The following LOX variants were observed in gnomAD, a reference collection of about 807,000 sequenced individuals.
The protein encoded by LOX is lysyl oxidase.
In LOX, 12 loss-of-function variants were observed where a neutral mutation model predicts 50.5. The observed-to-expected ratio is 0.24, with a 90% CI of 0.15 to 0.38. The LOEUF is 0.38. Ranked by LOEUF, LOX falls within the 10% of genes least tolerant of loss-of-function variation. The pLI, the probability that LOX is intolerant of heterozygous loss-of-function variation, is 1.00. For synonymous variants in LOX, 254 were observed against 230.6 expected (o/e 1.10, Z -0.92); for missense variants, 504 against 563.8 (o/e 0.89, Z 1.07).
Position 122,063,254 on chromosome 5 carries a change from G to A in LOX, c.*3489C>T, listed in dbSNP as rs999691786. ...ATAATCTTGCAATCATAGTATAGAT[G>A]TATAATAAAAGAATATGAGAATGCA... On this transcript the variant is annotated 3_prime_UTR_variant, in exon 7 of 7. Transcript: ENST00000231004. 1 of 151,814 alleles carries A rather than the reference G, an allele frequency of 6.6e-6. No individual in the cohort carries two copies. Among genetic ancestry groups the A allele is most frequent in the African/African-American group, 2.4e-5 (1 of 41,368 alleles). 9.4% of individuals were successfully genotyped at this position (151,814 alleles called of 1,614,324 possible).
intron 6 of LOX, among the ~76,000 whole-genome samples, chr5:122,067,885 T>C (rs1418626829): frequency 2.6e-5 from 4 of 152,012 alleles, no homozygotes; most frequent in Non-Finnish European, 5.9e-5. Context: ...AAGTCACTCC[T>C]GAAACTCAGC....
Position 122,070,144 on chromosome 5 carries a change from C to T in LOX, c.1156G>A (p.Val386Ile). 3.1e-6 allele frequency: 5 copies of T among 1,612,508 alleles called. No homozygotes were observed. Among genetic ancestry groups the T allele is most frequent in the Middle Eastern group, 1.7e-4 (1 of 6,056 alleles). ...LKVSVNPSYL[V>I]PESDYTNNVV... ...TTGTTGGTATAGTCAGATTCAGGAACCAGGTAGCTGGGGTTTACACTGACC... is the reference window on the plus strand; with the variant it reads ...TTGTTGGTATAGTCAGATTCAGGAATCAGGTAGCTGGGGTTTACACTGACC... The change falls in exon 6 of 7, where the codon GTT (valine) becomes ATT (isoleucine). Residue 386 changes from valine (V) to isoleucine (I), a missense_variant. By Grantham distance (29) the Val-to-Ile change is conservative. Around this residue, in one of 2 missense-constraint regions of LOX, gnomAD observed 106 missense variants for 198.1 expected, o/e 0.54. Coordinates refer to ENST00000231004, the MANE Select transcript of LOX (RefSeq NM_002317.7).
In LOX at chr5:122,077,244, G is replaced by A. The variant is rs1754664944; in HGVS notation, c.631+111C>T. 2 of 1,524,286 alleles carry A rather than the reference G, an allele frequency of 1.3e-6. No homozygotes were observed. The highest frequency in any genetic ancestry group is 1.3e-5 in the South Asian group (1 of 78,578). 94.4% of individuals were successfully genotyped at this position (1,524,286 alleles called of 1,614,324 possible). On this transcript the variant is annotated intron_variant, in intron 1 of 6. Transcript: ENST00000231004. The surrounding 1 kb of genome is among the most constrained non-coding windows in gnomAD (Gnocchi z 4.9). Reference sequence around the variant, plus strand: ...CTGCCACTGCAGGCGCGTGGGGGAGGGATCGGATCTGCGAGGACCGGGGCC... The same window carrying A: ...CTGCCACTGCAGGCGCGTGGGGGAGAGATCGGATCTGCGAGGACCGGGGCC...
rs892370866 is a variant in LOX, at chr5:122,065,632, A to T, written c.*1111T>A. On this transcript the variant is annotated 3_prime_UTR_variant, in exon 7 of 7. Transcript: ENST00000231004. ...TCAGACACACACACATGTGTGACTG[A>T]TTCCTGAATAACCCAGGATGATGTT... 9 of 152,210 alleles carry T rather than the reference A, an allele frequency of 5.9e-5. No individual in the cohort carries two copies. Among genetic ancestry groups the T allele is most frequent in the Middle Eastern group, 6.8e-3 (2 of 294 alleles). The allele number at this position is 152,210 out of a possible 1,614,324, so 9.4% of individuals were successfully genotyped here.
In LOX at chr5:122,066,510, T is replaced by A. The variant is rs925036509; in HGVS notation, c.*233A>T. The A allele has an allele frequency of 2.0e-5, 9 of 448,574 alleles. No individual in the cohort carries two copies. Among genetic ancestry groups the A allele is most frequent in the Non-Finnish European group, 3.2e-5 (8 of 247,154 alleles). 27.8% of individuals were successfully genotyped at this position (448,574 alleles called of 1,614,324 possible). A position where few individuals can be genotyped will look rare whatever the true frequency, so the allele number is the denominator to read the frequency against. On this transcript the variant is annotated 3_prime_UTR_variant, in exon 7 of 7. Transcript: ENST00000231004. ...GTAATTACAGAATTGAAACACTGTG[T>A]TAATTCACAAAGTGATGTAAATAAT...
At position 122,078,164 on chromosome 5, in the gene LOX, G is replaced by T; in HGVS notation, c.-179C>A. The T allele has an allele frequency of 1.9e-6, 1 of 519,026 alleles. No individual in the cohort carries two copies. 32.2% of individuals were successfully genotyped at this position (519,026 alleles called of 1,614,324 possible). ...GGATTCAGACCCTTCCCCAGTCAAG[G>T]CGGCTGCTCGGACGTGGCACCCTTC... On this transcript the variant is annotated 5_prime_UTR_variant, in exon 1 of 7. Transcript: ENST00000231004.
Position 122,077,723 on chromosome 5 carries a change from C to A in LOX, c.263G>T (p.Arg88Leu). The A allele has an allele frequency of 6.3e-7, 1 of 1,582,516 alleles. No homozygotes were observed. Among genetic ancestry groups the A allele is most frequent in the Non-Finnish European group, 8.6e-7 (1 of 1,168,360 alleles). Residue 88 changes from arginine (R) to leucine (L), a missense_variant, in exon 1 of 7, where the codon CGC (arginine) becomes CTC (leucine). Arg to Leu is a moderately radical substitution (Grantham distance 102). Around this residue, in one of 2 missense-constraint regions of LOX, gnomAD observed 398 missense variants for 365.8 expected, o/e 1.09. Transcript: ENST00000231004. This position sits in a 1 kb window ranked among gnomAD's most constrained non-coding sequence, Gnocchi z 4.9. ...GTCGCGGATCAGCAGGATCGGAGTG[C>A]GGGGCTGCTGGGCGGAGGCGTTGGC... is the stretch of plus-strand genomic sequence containing the variant. ...GAANASAQQP[R>L]TPILLIRDNR...
rs543644173 is a variant in LOX, at chr5:122,077,920, G to A, written c.66C>T (p.Ala22=). The A allele has an allele frequency of 5.3e-6, 8 of 1,517,238 alleles. No homozygotes were observed. The highest frequency in any genetic ancestry group is 2.9e-5 in the African/African-American group (2 of 69,048). The allele number at this position is 1,517,238 out of a possible 1,614,324, so 94.0% of individuals were successfully genotyped here. ...PLQLCALVHC[A]PPAAGQQQPP... Reference sequence around the variant, plus strand: ...GCTGCTGTTGGCCGGCGGCGGGAGGGGCGCAGTGCACTAGCGCGCAGAGCT... The same window carrying A: ...GCTGCTGTTGGCCGGCGGCGGGAGGAGCGCAGTGCACTAGCGCGCAGAGCT... Residue 22 remains alanine (A), a synonymous_variant, in exon 1 of 7, where the codon GCC becomes GCT. Transcript: ENST00000231004. This position sits in a 1 kb window ranked among gnomAD's most constrained non-coding sequence, Gnocchi z 4.9.
In LOX at chr5:122,070,068, C is replaced by G. The variant is rs186028768; in HGVS notation, c.1232G>C (p.Gly411Ala). 3.1e-6 allele frequency: 5 copies of G among 1,611,030 alleles called. No individual in the cohort carries two copies. In the South Asian group the frequency reaches 3.3e-5, roughly 11 times the overall value. ...TAACACTTACGGTGAAATTGTGCAGCCTGAGGCATACGCATGATGTCCTGT... is the reference window on the plus strand; with the variant it reads ...TAACACTTACGGTGAAATTGTGCAGGCTGAGGCATACGCATGATGTCCTGT... ...RYTGHHAYAS[G>A]CTISPY is the part of the protein sequence containing the mutation. The change falls in exon 6 of 7, where the codon GGC becomes GCC. Residue 411 changes from glycine (G) to alanine (A), a missense_variant. Coordinates refer to ENST00000231004, the MANE Select transcript of LOX (RefSeq NM_002317.7).
rs1754255961 is a variant in LOX at position 122,064,833 on chromosome 5, C to T, written c.*1910G>A. On this transcript the variant is annotated 3_prime_UTR_variant, in exon 7 of 7. Transcript: ENST00000231004. Reference sequence around the variant, plus strand: ...ATGAATGATTGTAAATGTGTCTTCTCCTATGTATCCATGATGATATTGCCT... The same window carrying T: ...ATGAATGATTGTAAATGTGTCTTCTTCTATGTATCCATGATGATATTGCCT... 6.6e-6 allele frequency: 1 copy of T among 151,900 alleles called. No individual in the cohort carries two copies. The highest frequency in any genetic ancestry group is 1.5e-5 in the Non-Finnish European group (1 of 67,938). 9.4% of individuals were successfully genotyped at this position (151,900 alleles called of 1,614,324 possible).
intron 6 of LOX, 21 bp from the exon 7 acceptor site, chr5:122,066,770 A>G (rs1754311805): frequency 6.6e-7 from 1 of 1,519,490 alleles, no homozygotes; most frequent in African/African-American, 1.4e-5. Context: ...AAGACAAAAT[A>G]AGACAAATTA....
chr5:122,073,720 G>A (rs559072701), intron 4 of LOX, among the ~76,000 whole-genome samples: 2 of 152,222 alleles, frequency 1.3e-5, no homozygotes, highest in South Asian at 4.2e-4. Context: ...ATGCATAACT[G>A]GAAATACTTC....
chr5:122,072,539 G>A (rs1754479479), intron 4 of LOX, among the ~76,000 whole-genome samples: 2 of 152,102 alleles, frequency 1.3e-5, no homozygotes, highest in Admixed American at 1.3e-4. Flanking sequence ...ATCTAAAGAA[G>A]TTATACCTAG....
rs1444828940 is a variant in LOX at position 122,063,587 on chromosome 5, A to G, written c.*3156T>C. 1 of 151,972 alleles carries G rather than the reference A, an allele frequency of 6.6e-6. No individual in the cohort carries two copies. The highest frequency in any genetic ancestry group is 6.6e-5 in the Admixed American group (1 of 15,226). The allele number at this position is 151,972 out of a possible 1,614,324, so 9.4% of individuals were successfully genotyped here. On this transcript the variant is annotated 3_prime_UTR_variant, in exon 7 of 7. Coordinates refer to ENST00000231004, the MANE Select transcript of LOX (RefSeq NM_002317.7). The stretch of plus-strand genomic sequence containing the variant: ...CCAGGAATTTTGGTAGCTAGGAATG[A>G]GACTTAACTCACTGATTGAATATGT...
rs2152591399 is a variant in LOX at position 122,077,582 on chromosome 5, C to T, written c.404G>A (p.Arg135His). Residue 135 changes from arginine to histidine, a missense_variant, in exon 1 of 7, where the codon CGC becomes CAC. Around this residue, in one of 2 missense-constraint regions of LOX, gnomAD observed 398 missense variants for 365.8 expected, o/e 1.09. Transcript: ENST00000231004. This position sits in a 1 kb window ranked among gnomAD's most constrained non-coding sequence, Gnocchi z 4.9. ...FQAGYSTSRA[R>H]EAGASRAENQ... ...CTCCGCGCGCGAGGCGCCAGCTTCG[C>T]GGGCTCTAGATGTCGAGTAGCCAGC... 3 of 1,612,738 alleles carry T rather than the reference C, an allele frequency of 1.9e-6. No individual in the cohort carries two copies. Among genetic ancestry groups the T allele is most frequent in the African/African-American group, 1.3e-5 (1 of 75,050 alleles).
chr5:122,066,789 A>T, intron 6 of LOX, 40 bp from the exon 7 acceptor site: 1 of 1,329,376 alleles, frequency 7.5e-7, no homozygotes, highest in Non-Finnish European at 1.1e-6. Context: ...TATTAACCTG[A>T]TAATATAATG....
rs777539218 is a variant in LOX, at chr5:122,077,775, C to G, written c.211G>C (p.Asp71His). 4.5e-6 allele frequency: 7 copies of G among 1,548,904 alleles called. No homozygotes were observed. The highest frequency in any genetic ancestry group is 1.4e-5 in the African/African-American group (1 of 73,156). ...GSQYQPQRRR[D>H]PGAAVPGAAN... The stretch of plus-strand genomic sequence containing the variant: ...GCACCAGGGACGGCGGCGCCCGGGT[C>G]CCGGCGGCGCTGAGGCTGGTACTGT... Residue 71 changes from aspartate (D) to histidine (H), a missense_variant, in exon 1 of 7, where the codon GAC becomes CAC. Asp to His is a moderately conservative substitution (Grantham distance 81). Transcript: ENST00000231004. The surrounding 1 kb of genome is among the most constrained non-coding windows in gnomAD (Gnocchi z 4.9).
rs750033944 is a variant in LOX, at chr5:122,078,007, C to A, written c.-22G>T. Reference sequence around the variant, plus strand: ...GCATCACTCCTTTTGCCAGATTGACCCCGCTCGAGGAGGACGTGGCTCACA... The same window carrying A: ...GCATCACTCCTTTTGCCAGATTGACACCGCTCGAGGAGGACGTGGCTCACA... On this transcript the variant is annotated 5_prime_UTR_variant, in exon 1 of 7. Transcript: ENST00000231004. The A allele has an allele frequency of 8.3e-6, 12 of 1,441,086 alleles. No individual in the cohort carries two copies. In the South Asian group the frequency reaches 1.9e-4, roughly 23 times the overall value. The allele number at this position is 1,441,086 out of a possible 1,614,324, so 89.3% of individuals were successfully genotyped here.
chr5:122,067,735 A>C (rs957468604), intron 6 of LOX, among the ~76,000 whole-genome samples: 2 of 152,102 alleles, frequency 1.3e-5, no homozygotes, highest in African/African-American at 4.8e-5. Context: ...CCAAACTAGA[A>C]GACTTGTTTT....
Sources: gnomAD v4.1 joint callset for allele counts (sites outside exome capture counted in the v4.1 genomes callset) on GRCh38, gnomAD v4.1.1 for gene constraint, gnomAD v4.1.1 regional missense constraint, Gnocchi (gnomAD v3.1) non-coding constraint, MANE v1.5 for transcripts, NCBI Gene and HGNC (gene_info 2026-07-23, HGNC 2026-07-21) for gene names.